Variants in GPC5 observed in about 807,000 individuals in gnomAD.
The protein encoded by GPC5 is glypican-5.
GPC5 carries 47 observed loss-of-function variants against 53.9 expected under a neutral mutation model. That is an observed-to-expected ratio of 0.87 (90% CI 0.69 to 1.11). The LOEUF (loss-of-function observed/expected upper bound fraction) is 1.11. GPC5 is among the 50% of genes most tolerant of loss of function. GPC5 has a pLI of 0.00. For missense variants in GPC5, 748 were observed against 713.1 expected (o/e 1.05, Z -0.56); for synonymous variants, 286 against 263.3 (o/e 1.09, Z -0.84).
intron 7 of GPC5, among the ~76,000 whole-genome samples, chr13:92,482,538 C>T (rs1024154813): frequency 6.6e-5 from 10 of 152,174 alleles, no homozygotes; most frequent in African/African-American, 2.4e-4. Context: ...GATTCTTTAA[C>T]ACCATTCTTC....
intron 5 of GPC5, among the ~76,000 whole-genome samples, chr13:91,844,794 C>A (rs761880478): frequency 1.3e-5 from 2 of 152,050 alleles, no homozygotes; most frequent in Non-Finnish European, 2.9e-5. Flanking sequence ...GGTGCTATCT[C>A]GGCTTGCTGC....
intron 7 of GPC5, among the ~76,000 whole-genome samples, chr13:92,751,281 C>T (rs186647218): frequency 1.1e-5 from 1 of 88,134 alleles, no homozygotes; most frequent in Non-Finnish European, 2.1e-5. Flanking sequence ...TTGGAGAAAA[C>T]CTTTGGTCAT....
chr13:91,985,574 TA>T (rs1429690776), intron 6 of GPC5, among the ~76,000 whole-genome samples: 1 of 152,148 alleles, frequency 6.6e-6, no homozygotes, highest in Non-Finnish European at 1.5e-5. Flanking sequence ...TTTTGTTCTT[TA>T]AAATTGACTT....
chr13:92,055,431 C>G (rs1415730402), intron 6 of GPC5, among the ~76,000 whole-genome samples: 2 of 152,152 alleles, frequency 1.3e-5, no homozygotes, highest in African/African-American at 2.4e-5. Context: ...AAATTGCTAA[C>G]AAAATTCAAG....
intron 5 of GPC5, among the ~76,000 whole-genome samples, chr13:91,895,765 G>C (rs144174844): frequency 6.6e-6 from 1 of 152,008 alleles, no homozygotes; most frequent in East Asian, 1.9e-4. Flanking sequence ...TTCTGTGGCT[G>C]CTAGGACAAA....
chr13:91,724,544 T>C lies in GPC5; in HGVS notation c.1021-3988T>C, dbSNP rs140785974. Among the ~76,000 whole-genome samples, 165 of 152,188 alleles carry C rather than the reference T, an allele frequency of 1.1e-3. 1 individual carries two copies. Among genetic ancestry groups the C allele is most frequent in the African/African-American group, 3.6e-3 (151 of 41,516 alleles). On this transcript the variant is annotated intron_variant, in intron 3 of 7. Transcript: ENST00000377067. ...ATTAATAAACATTAAGGAAGTACCA[T>C]TGCAAAAGAAATGGAGACTATGGGG...
chr13:92,427,391 AT>A (rs1298156564), intron 7 of GPC5, among the ~76,000 whole-genome samples: 1 of 150,896 alleles, frequency 6.6e-6, no homozygotes, highest in East Asian at 1.9e-4. Context: ...AATAGAAGAA[AT>A]GCACAAATTC....
At chr13:92,109,748 A>G (rs2041541717) in intron 6 of GPC5, among the ~76,000 whole-genome samples, 1 of 152,172 alleles carries the variant, frequency 6.6e-6, no homozygotes, top group Admixed American at 6.6e-5. Context: ...TCTTAAACCT[A>G]TTAAATGCTG....
chr13:91,453,090 A>G (rs1381851623), intron 2 of GPC5, among the ~76,000 whole-genome samples: 3 of 151,494 alleles, frequency 2.0e-5, no homozygotes, highest in Non-Finnish European at 4.4e-5. Context: ...CTTTTTTTTG[A>G]TTTCATCTCT....
At chr13:92,064,064 T>G (rs2041145515) in intron 6 of GPC5, among the ~76,000 whole-genome samples, 1 of 152,190 alleles carries the variant, frequency 6.6e-6, no homozygotes, top group African/African-American at 2.4e-5. Context: ...TAAATATAGC[T>G]AAGAGTTCTT....
intron 7 of GPC5, among the ~76,000 whole-genome samples, chr13:92,373,457 C>A (rs901827835): frequency 6.6e-6 from 1 of 152,184 alleles, no homozygotes; most frequent in African/African-American, 2.4e-5. Flanking sequence ...CCAACAGCTA[C>A]TCTCTTATCT....
intron 7 of GPC5, among the ~76,000 whole-genome samples, chr13:92,486,381 T>C (rs1296515057): frequency 6.6e-6 from 1 of 152,180 alleles, no homozygotes; most frequent in Non-Finnish European, 1.5e-5. Flanking sequence ...ATATGTGGTA[T>C]AATAATAGTG....
chr13:91,907,853 C>A lies in GPC5; in HGVS notation c.1281-84C>A, dbSNP rs1322509015. The A allele has an allele frequency of 7.1e-6, 10 of 1,415,152 alleles. No individual in the cohort carries two copies. The Admixed American group carries it at 9.3e-5, about 13-fold the overall frequency. 87.7% of individuals were successfully genotyped at this position (1,415,152 alleles called of 1,614,324 possible). Reference sequence around the variant, plus strand: ...GGTGTATTCTCTAAAGGAGGAAATTCCGACCTCAAATATGTTCAGATAGCT... The same window carrying A: ...GGTGTATTCTCTAAAGGAGGAAATTACGACCTCAAATATGTTCAGATAGCT... On this transcript the variant is annotated intron_variant, in intron 5 of 7. Coordinates refer to ENST00000377067, the MANE Select transcript of GPC5 (RefSeq NM_004466.6).
At chr13:91,989,293 C>T (rs1002496538) in intron 6 of GPC5, among the ~76,000 whole-genome samples, 1 of 152,174 alleles carries the variant, frequency 6.6e-6, no homozygotes, top group South Asian at 2.1e-4. Flanking sequence ...AGTCTATGTC[C>T]TTTAGACTTC....
At chr13:92,038,619 T>C (rs1371643384) in intron 6 of GPC5, among the ~76,000 whole-genome samples, 2 of 151,130 alleles carry the variant, frequency 1.3e-5, no homozygotes, top group Non-Finnish European at 2.9e-5. Context: ...ATACACCAAA[T>C]GCCTGATGAA....
At chr13:91,974,636 A>C (rs1435119606) in intron 6 of GPC5, among the ~76,000 whole-genome samples, 9 of 152,218 alleles carry the variant, frequency 5.9e-5, no homozygotes, top group Admixed American at 3.3e-4. Context: ...AAACAAATGG[A>C]AGAACATTGC....
At chr13:92,020,683 C>CTTTTTTTTTTT (rs71113782) in intron 6 of GPC5, among the ~76,000 whole-genome samples, 1 of 140,656 alleles carries the variant, frequency 7.1e-6, no homozygotes, top group African/African-American at 2.6e-5. Context: ...TTAGTTTATT[C>CTTTTTTTTTTT]TTTTTTTTTT....
At chr13:92,349,166 G>A (rs1201176913) in intron 7 of GPC5, among the ~76,000 whole-genome samples, 3 of 152,106 alleles carry the variant, frequency 2.0e-5, no homozygotes, top group Non-Finnish European at 2.9e-5. Flanking sequence ...AATTTGAGAT[G>A]GAGTTTCACT....
intron 2 of GPC5, among the ~76,000 whole-genome samples, chr13:91,551,898 A>C (rs1594242577): frequency 6.6e-6 from 1 of 152,088 alleles, no homozygotes; most frequent in South Asian, 2.1e-4. Context: ...GGCTATTGAA[A>C]TAGTTTAAAT....
Sources: allele counts gnomAD v4.1 joint callset (sites outside exome capture counted in the v4.1 genomes callset), GRCh38; gene constraint gnomAD v4.1.1; transcripts MANE v1.5; gene names NCBI Gene and HGNC (gene_info 2026-07-23, HGNC 2026-07-21).